The following RYR2 variants were observed in gnomAD, a reference collection of about 807,000 sequenced individuals.
The protein encoded by RYR2 is cardiac muscle ryanodine receptor-calcium release channel.
A neutral mutation model predicts 601.1 loss-of-function variants in RYR2; 227 were observed. The ratio of observed to expected loss-of-function variants is 0.38; its 90% CI spans 0.34 to 0.42. The LOEUF (loss-of-function observed/expected upper bound fraction) is 0.42, where lower values mean the gene tolerates loss of function less well. Among genes scored for constraint, RYR2 ranks in the 10% least tolerant of loss-of-function variants. RYR2 has a pLI of 1.00. For missense variants in RYR2, 4,646 were observed against 6,156.5 expected (o/e 0.75, Z 8.21); for synonymous variants, 2,223 against 2,175.1 (o/e 1.02, Z -0.61).
At chr1:237,684,941 A>AAT (rs1453127030) in intron 62 of RYR2, among the ~76,000 whole-genome samples, 2 of 151,574 alleles carry the variant, frequency 1.3e-5, no homozygotes, top group African/African-American at 4.8e-5. Context: ...AGAGAAAAAA[A>AAT]AAAATACTGT....
At position 237,418,737 on chromosome 1, in the gene RYR2, A is replaced by G. The variant is rs558734298; in HGVS notation, c.848+1614A>G. ...TCCTCTGCAACAAAAATATTTATAT[A>G]AATTTATTTCTTATATTTCTTATGT... On this transcript the variant is annotated intron_variant, in intron 11 of 104. Coordinates refer to ENST00000366574, the MANE Select transcript of RYR2 (RefSeq NM_001035.3). 3.3e-5 allele frequency among the ~76,000 whole-genome samples: 5 copies of G among 152,088 alleles called. No individual in the cohort carries two copies. In the South Asian group the frequency reaches 1.0e-3, roughly 31 times the overall value.
At position 237,183,562 on chromosome 1, in the gene RYR2, A is replaced by G. The variant is rs528343294; in HGVS notation, c.49-86935A>G. On this transcript the variant is annotated intron_variant, in intron 1 of 104. Transcript: ENST00000366574. ...AAGGAAAGAGTATTGAAATGGTAAT[A>G]TGACGTATTCAGGTTAGGAGAAAGA... 2.6e-5 allele frequency among the ~76,000 whole-genome samples: 4 copies of G among 152,348 alleles called. No homozygotes were observed. In the East Asian group the frequency reaches 7.7e-4, roughly 29 times the overall value.
chr1:237,543,423 T>G (rs1669503982), intron 25 of RYR2, among the ~76,000 whole-genome samples: 1 of 152,256 alleles, frequency 6.6e-6, no homozygotes, highest in Non-Finnish European at 1.5e-5. Flanking sequence ...TGATTCTGAA[T>G]ATTCTCTATA....
At chr1:237,669,176 A>G (rs1684605793) in intron 58 of RYR2, among the ~76,000 whole-genome samples, 1 of 143,088 alleles carries the variant, frequency 7.0e-6, no homozygotes, top group Admixed American at 7.2e-5. Flanking sequence ...CATGTTTCAG[A>G]GAGCACAGGG....
chr1:237,345,411 G>A (rs1420739920), intron 3 of RYR2, among the ~76,000 whole-genome samples: 1 of 151,122 alleles, frequency 6.6e-6, no homozygotes, highest in Non-Finnish European at 1.5e-5. Flanking sequence ...GCTGAAGTGA[G>A]TGCTACTATA....
intron 10 of RYR2, among the ~76,000 whole-genome samples, chr1:237,389,035 G>T (rs1392789456): frequency 1.3e-5 from 2 of 152,084 alleles, no homozygotes; most frequent in East Asian, 3.8e-4. Flanking sequence ...GTCCCTCTGA[G>T]ACCTGGGTAC....
At chr1:237,275,237 G>A (rs2149362501) in intron 2 of RYR2, among the ~76,000 whole-genome samples, 1 of 151,716 alleles carries the variant, frequency 6.6e-6, no homozygotes, top group South Asian at 2.1e-4. Context: ...GAGAATTGAG[G>A]CCAAAGTGTA....
chr1:237,813,133 G>A (rs1421895508), intron 100 of RYR2, among the ~76,000 whole-genome samples: 1 of 152,076 alleles, frequency 6.6e-6, no homozygotes, highest in Non-Finnish European at 1.5e-5. Context: ...TCTACCCTGT[G>A]ACCCTGAAGG....
At chr1:237,201,063 G>A (rs1355664788) in intron 1 of RYR2, among the ~76,000 whole-genome samples, 2 of 152,164 alleles carry the variant, frequency 1.3e-5, no homozygotes, top group African/African-American at 4.8e-5. Context: ...TGACAGTTTT[G>A]GAAAGACAGT....
intron 44 of RYR2, among the ~76,000 whole-genome samples, chr1:237,636,207 A>T (rs930976169): frequency 9.9e-5 from 15 of 152,022 alleles, no homozygotes; most frequent in Non-Finnish European, 1.6e-4. Context: ...ATCAAACTCT[A>T]TGTAGTTATG....
chr1:237,805,573 T>C (rs1362645270), intron 98 of RYR2, among the ~76,000 whole-genome samples: 18 of 103,518 alleles, frequency 1.7e-4, no homozygotes, highest in African/African-American at 7.6e-4. Context: ...AGAGCTAGAC[T>C]CTGTCTCAAA....
intron 47 of RYR2, among the ~76,000 whole-genome samples, chr1:237,641,489 C>CTTTCTTTCTT (rs766549657): frequency 0.031 from 3,895 of 125,044 alleles, 110 homozygotes; most frequent in African/African-American, 0.066. Flanking sequence ...TTCTTTCTTT[C>CTTTCTTTCTT]TTTCTTTCTT....
chr1:237,452,793 T>G (rs563751019), intron 14 of RYR2, among the ~76,000 whole-genome samples: 59 of 151,626 alleles, frequency 3.9e-4, no homozygotes, highest in African/African-American at 1.3e-3. Context: ...CTTGATTATA[T>G]TTTTTGTTCT....
chr1:237,658,135 A>C, intron 54 of RYR2, 113 bp downstream of exon 54: 1 of 510,600 alleles, frequency 2.0e-6, no homozygotes, highest in Non-Finnish European at 3.4e-6. Flanking sequence ...GATCTAAATT[A>C]GGAAAAAATA....
intron 39 of RYR2, among the ~76,000 whole-genome samples, chr1:237,625,175 T>G (rs1000407495): frequency 6.6e-6 from 1 of 152,048 alleles, no homozygotes; most frequent in Non-Finnish European, 1.5e-5. Flanking sequence ...GCTTCAGATA[T>G]AAAGCATTCC....
Position 237,290,097 on chromosome 1 carries a change from G to A in RYR2, c.168+19481G>A, listed in dbSNP as rs145316659. On this transcript the variant is annotated intron_variant, in intron 2 of 104. Transcript: ENST00000366574. ...AGAGTCTTGTACTCGTATGTTTGGG[G>A]CAGTTTTACTCACAATAGCCTAAAA... Among the ~76,000 whole-genome samples the A allele has an allele frequency of 4.4e-3, 675 of 152,238 alleles. 6 individuals are homozygous for A. The highest frequency in any genetic ancestry group is 0.015 in the African/African-American group (631 of 41,526).
intron 44 of RYR2, among the ~76,000 whole-genome samples, chr1:237,636,191 T>C (rs74147180): frequency 0.015 from 2,348 of 151,966 alleles, 56 homozygotes; most frequent in African/African-American, 0.049. Context: ...AAAATAAATA[T>C]ATTTAATCAA....
Position 237,191,573 on chromosome 1 carries a change from G to A in RYR2, c.49-78924G>A, listed in dbSNP as rs114859331. On this transcript the variant is annotated intron_variant, in intron 1 of 104. Coordinates refer to ENST00000366574, the MANE Select transcript of RYR2 (RefSeq NM_001035.3). ...GGATAGAAAACACTTCTTTTGCTGC[G>A]GAGGGGCTTGCGTTGCCAAGTGCGT... Among the ~76,000 whole-genome samples, 807 of 152,238 alleles carry A rather than the reference G, an allele frequency of 5.3e-3. 7 individuals carry two copies. Among genetic ancestry groups the A allele is most frequent in the South Asian group, 0.03 (143 of 4,822 alleles).
At chr1:237,072,044 G>A (rs1175926306) in intron 1 of RYR2, among the ~76,000 whole-genome samples, 1 of 152,254 alleles carries the variant, frequency 6.6e-6, no homozygotes, top group African/African-American at 2.4e-5. Flanking sequence ...GCTGGGGGAA[G>A]AGGGTGTCCT....
Sources: allele counts gnomAD v4.1 joint callset (sites outside exome capture counted in the v4.1 genomes callset), GRCh38; gene constraint gnomAD v4.1.1; transcripts MANE v1.5; gene names NCBI Gene and HGNC (gene_info 2026-07-23, HGNC 2026-07-21).